The following ANO1 variants were observed in gnomAD, a reference collection of about 807,000 sequenced individuals.
ANO1 encodes the protein anoctamin-1.
ANO1 carries 59 observed loss-of-function variants against 124.0 expected under a neutral mutation model. The observed-to-expected ratio is 0.48, with a 90% CI of 0.39 to 0.59. The LOEUF (loss-of-function observed/expected upper bound fraction) is 0.59, where lower values mean the gene tolerates loss of function less well. ANO1 is among the 20% of genes least tolerant of loss of function. The pLI is 0.00. For missense variants in ANO1, 1,059 were observed against 1,328.0 expected (o/e 0.80, Z 3.15); for synonymous variants, 529 against 532.0 (o/e 0.99, Z 0.08).
intron 22 of ANO1, among the ~76,000 whole-genome samples, chr11:70,178,394 A>C (rs1348787519): frequency 6.6e-6 from 1 of 152,072 alleles, no homozygotes; most frequent in Non-Finnish European, 1.5e-5. Flanking sequence ...CAGCAGAAAA[A>C]TAAACTGAGG....
At chr11:70,176,297 G>A (rs997246712) in intron 22 of ANO1, among the ~76,000 whole-genome samples, 2 of 151,876 alleles carry the variant, frequency 1.3e-5, no homozygotes, top group African/African-American at 2.4e-5. Flanking sequence ...GCAGGTGTGC[G>A]CCACCAGATT....
chr11:70,181,617 G>A (rs2135835851), intron 23 of ANO1, among the ~76,000 whole-genome samples: 1 of 152,332 alleles, frequency 6.6e-6, no homozygotes, highest in South Asian at 2.1e-4. Context: ...ATCTCCTGAG[G>A]ACAACAGCAG....
intron 22 of ANO1, among the ~76,000 whole-genome samples, chr11:70,173,216 T>G (rs546523404): frequency 2.6e-5 from 4 of 152,294 alleles, no homozygotes; most frequent in Admixed American, 2.6e-4. Flanking sequence ...CCCGGCAGCT[T>G]CACATTTGCA....
intron 1 of ANO1, among the ~76,000 whole-genome samples, chr11:70,000,888 T>G (rs1856370362): frequency 6.7e-6 from 1 of 150,308 alleles, no homozygotes; most frequent in South Asian, 2.1e-4. Flanking sequence ...AATCACACGT[T>G]GAACAAAAAA....
intron 1 of ANO1, among the ~76,000 whole-genome samples, chr11:70,061,996 G>T (rs565425775): frequency 4.4e-4 from 65 of 147,094 alleles, no homozygotes; most frequent in African/African-American, 1.6e-3. Flanking sequence ...TTTGTGTGAG[G>T]ATGAGCAATA....
intron 12 of ANO1, among the ~76,000 whole-genome samples, 161 bp from the exon 13 acceptor site, chr11:70,152,289 C>T (rs1193985967): frequency 1.4e-5 from 2 of 148,070 alleles, no homozygotes; most frequent in Admixed American, 1.4e-4. Context: ...GAGCTGAGAC[C>T]GCGCCATTGC....
At chr11:70,097,180 A>G (rs2509152) in intron 2 of ANO1, among the ~76,000 whole-genome samples, 151,294 of 152,328 alleles carry the variant, frequency 0.99, 75,137 homozygotes, top group South Asian at 1. Context: ...ACCAGACCCC[A>G]TGGCAAGGGC....
chr11:69,999,399 A>T (rs1856337067), intron 1 of ANO1, among the ~76,000 whole-genome samples: 2 of 152,126 alleles, frequency 1.3e-5, no homozygotes, highest in African/African-American at 4.8e-5. Context: ...ACCAGGTCCC[A>T]CCTCCAACAG....
chr11:69,972,456 G>C, the ANO1 span, among the ~76,000 whole-genome samples: 1 of 152,074 alleles, frequency 6.6e-6, no homozygotes, highest in Non-Finnish European at 1.5e-5. Context: ...ACAATGCAAC[G>C]CCTCGTTTCC....
the ANO1 span, among the ~76,000 whole-genome samples, chr11:69,980,628 A>C: frequency 1.4e-4 from 22 of 151,948 alleles, no homozygotes; most frequent in African/African-American, 4.4e-4. Flanking sequence ...CAAAAAAAAA[A>C]CAAAAAACTG....
intron 20 of ANO1, 39 bp downstream of exon 20, chr11:70,165,609 GC>G: frequency 6.4e-7 from 1 of 1,554,322 alleles, no homozygotes; most frequent in African/African-American, 1.4e-5. Context: ...CAGGGGCGGG[GC>G]CAGGCGGAGG....
At chr11:70,131,256 C>A (rs906345726) in intron 10 of ANO1, among the ~76,000 whole-genome samples, 5 of 152,120 alleles carry the variant, frequency 3.3e-5, no homozygotes, top group Non-Finnish European at 5.9e-5. Context: ...ACAGAGGTTG[C>A]AGGGCCCCAT....
intron 1 of ANO1, among the ~76,000 whole-genome samples, chr11:70,019,139 G>A (rs1165928706): frequency 2.6e-5 from 4 of 152,114 alleles, no homozygotes; most frequent in African/African-American, 9.7e-5. Context: ...AGCCTGTTCT[G>A]AGCCAGACCT....
intron 11 of ANO1, among the ~76,000 whole-genome samples, chr11:70,146,570 A>G (rs568983111): frequency 6.6e-6 from 1 of 152,262 alleles, no homozygotes; most frequent in Non-Finnish European, 1.5e-5. Context: ...GTACATATGA[A>G]AGGGAGTTTA....
intron 1 of ANO1, among the ~76,000 whole-genome samples, chr11:70,009,536 A>C (rs1480767203): frequency 6.6e-6 from 1 of 152,186 alleles, no homozygotes; most frequent in African/African-American, 2.4e-5. Context: ...GATTTTGAGA[A>C]GCTTTTTGAA....
chr11:70,042,057 G>A (rs944925080), intron 1 of ANO1, among the ~76,000 whole-genome samples: 4 of 151,980 alleles, frequency 2.6e-5, no homozygotes, highest in Non-Finnish European at 5.9e-5. Context: ...TTGAGCATCA[G>A]TGTGCATGAG....
upstream of ANO1, among the ~76,000 whole-genome samples, chr11:69,985,714 G>T (rs536897073): frequency 3.3e-5 from 5 of 152,294 alleles, no homozygotes; most frequent in Non-Finnish European, 7.4e-5. Context: ...CGCGCCCCGC[G>T]CAGCGGGAGG....
At chr11:70,050,702 C>T (rs180727860) in intron 1 of ANO1, among the ~76,000 whole-genome samples, 2 of 152,274 alleles carry the variant, frequency 1.3e-5, no homozygotes, top group Admixed American at 1.3e-4. Flanking sequence ...GTTCTAGTTC[C>T]CCTCAGGAGT....
At chr11:69,976,635 C>CT in the ANO1 span, among the ~76,000 whole-genome samples, 1 of 149,864 alleles carries the variant, frequency 6.7e-6, no homozygotes, top group Admixed American at 6.6e-5. Flanking sequence ...AGGTGGCCAT[C>CT]TGCAAGCCAA....
Sources: allele counts gnomAD v4.1 joint callset (sites outside exome capture counted in the v4.1 genomes callset), GRCh38; gene constraint gnomAD v4.1.1; transcripts MANE v1.5; gene names NCBI Gene and HGNC (gene_info 2026-07-23, HGNC 2026-07-21).